Variants in GRID1 observed in about 807,000 individuals in gnomAD.
GRID1 encodes glutamate receptor ionotropic, delta-1.
Under a neutral mutation model 98.0 loss-of-function variants are expected in GRID1, and 28 were observed. The ratio of observed to expected loss-of-function variants is 0.29; its 90% confidence interval spans 0.21 to 0.39. The LOEUF (loss-of-function observed/expected upper bound fraction) is 0.39. Ranked by LOEUF, GRID1 falls within the 10% of genes least tolerant of loss-of-function variation. The pLI is 1.00. For missense variants in GRID1, 1,111 were observed against 1,340.5 expected (o/e 0.83, Z 2.67); for synonymous variants, 553 against 538.5 (o/e 1.03, Z -0.37).
chr10:86,061,205 A>T (rs1843644112), intron 4 of GRID1, among the ~76,000 whole-genome samples: 1 of 152,184 alleles, frequency 6.6e-6, no homozygotes, highest in Admixed American at 6.5e-5. Context: ...ACCTTCCAGC[A>T]GCTCCGAGCA....
intron 6 of GRID1, among the ~76,000 whole-genome samples, chr10:85,863,745 C>G (rs1307457511): frequency 2.0e-5 from 3 of 152,196 alleles, no homozygotes; most frequent in African/African-American, 7.2e-5. Flanking sequence ...GGTGTGCCTG[C>G]CGGGTGGCCA....
At chr10:85,722,621 T>C (rs988866668) in intron 12 of GRID1, among the ~76,000 whole-genome samples, 3 of 152,120 alleles carry the variant, frequency 2.0e-5, no homozygotes, top group Non-Finnish European at 4.4e-5. Flanking sequence ...TATTTTAAGG[T>C]GTTCGAAGAT....
At chr10:85,881,196 G>T (rs1387157494) in intron 5 of GRID1, among the ~76,000 whole-genome samples, 1 of 152,138 alleles carries the variant, frequency 6.6e-6, no homozygotes, top group African/African-American at 2.4e-5. Context: ...TGGCCATACT[G>T]CCCAAGGTAA....
intron 8 of GRID1, among the ~76,000 whole-genome samples, chr10:85,822,977 G>A (rs1300527236): frequency 1.3e-5 from 2 of 152,142 alleles, no homozygotes; most frequent in East Asian, 1.9e-4. Flanking sequence ...TCATAGGTGG[G>A]AACTGAATAA....
chr10:86,105,610 G>GCA (rs1844372090), intron 4 of GRID1, among the ~76,000 whole-genome samples: 2 of 152,098 alleles, frequency 1.3e-5, no homozygotes, highest in South Asian at 4.1e-4. Context: ...CAGTGTCCGG[G>GCA]GCACACGGAG....
At chr10:86,352,917 GA>G (rs1848482059) in intron 2 of GRID1, among the ~76,000 whole-genome samples, 1 of 152,034 alleles carries the variant, frequency 6.6e-6, no homozygotes, top group African/African-American at 2.4e-5. Context: ...CACTGACAAT[GA>G]AAAAACACCT....
At chr10:85,938,377 G>A (rs77183487) in intron 4 of GRID1, among the ~76,000 whole-genome samples, 7,323 of 152,140 alleles carry the variant, frequency 0.048, 246 homozygotes, top group East Asian at 0.15. Flanking sequence ...TCAATACAAC[G>A]TTCTCCAATT....
rs34438015 is a variant in GRID1 at position 85,807,555 on chromosome 10, G to A, written c.1233+46941C>T. Among the ~76,000 whole-genome samples the A allele has an allele frequency of 7.2e-3, 1,087 of 151,968 alleles. 7 individuals carry two copies. Among genetic ancestry groups the A allele is most frequent in the Non-Finnish European group, 0.013 (854 of 67,974 alleles). ...CAGTTAGAAAGAGATAAATATTCCC[G>A]TAGAAAAAATGAGAAATGGAAATGA... is the stretch of plus-strand genomic sequence containing the variant. On this transcript the variant is annotated intron_variant, in intron 8 of 15. Transcript: ENST00000327946.
At chr10:86,336,645 T>A (rs1848225683) in intron 2 of GRID1, among the ~76,000 whole-genome samples, 1 of 152,200 alleles carries the variant, frequency 6.6e-6, no homozygotes, top group South Asian at 2.1e-4. Context: ...GGGCTGGTTT[T>A]CATATCAGGT....
chr10:85,902,616 G>A (rs905035211), intron 5 of GRID1, among the ~76,000 whole-genome samples: 1 of 152,184 alleles, frequency 6.6e-6, no homozygotes, highest in Admixed American at 6.5e-5. Context: ...GGGAGTGAGA[G>A]GGAAGATAAG....
chr10:86,040,244 T>C (rs1459985115), intron 4 of GRID1, among the ~76,000 whole-genome samples: 1 of 152,166 alleles, frequency 6.6e-6, no homozygotes, highest in Admixed American at 6.5e-5. Context: ...AACTACAGGG[T>C]ATATATCCAA....
chr10:86,060,731 C>T (rs542334917), intron 4 of GRID1, among the ~76,000 whole-genome samples: 6 of 152,164 alleles, frequency 3.9e-5, no homozygotes, highest in Non-Finnish European at 5.9e-5. Flanking sequence ...CTCACTCAGT[C>T]CCTCCAGAGG....
At chr10:86,015,245 G>A (rs1361439537) in intron 4 of GRID1, among the ~76,000 whole-genome samples, 1 of 152,190 alleles carries the variant, frequency 6.6e-6, no homozygotes, top group Admixed American at 6.5e-5. Context: ...ATGGGTTGAA[G>A]AAACGCACAC....
chr10:86,361,255 C>T (rs747913989), intron 2 of GRID1, among the ~76,000 whole-genome samples: 2 of 152,220 alleles, frequency 1.3e-5, no homozygotes, highest in Non-Finnish European at 2.9e-5. Context: ...CAGAGGCCTT[C>T]CAGGGCAGGC....
chr10:85,923,481 G>C (rs545449829), intron 4 of GRID1, among the ~76,000 whole-genome samples: 1 of 152,154 alleles, frequency 6.6e-6, no homozygotes, highest in Non-Finnish European at 1.5e-5. Context: ...GGAGGGGAAG[G>C]CTGGTTGCAG....
intron 4 of GRID1, among the ~76,000 whole-genome samples, chr10:86,010,476 G>T (rs1055435876): frequency 1.3e-5 from 2 of 152,120 alleles, no homozygotes; most frequent in Non-Finnish European, 2.9e-5. Context: ...GGCAGGAGTG[G>T]GACTGGGATT....
chr10:85,687,684 G>A (rs978919577), intron 12 of GRID1, among the ~76,000 whole-genome samples: 5 of 152,008 alleles, frequency 3.3e-5, no homozygotes, highest in African/African-American at 1.2e-4. Context: ...AAATATTTAA[G>A]GCAATAAAGT....
At chr10:85,905,089 T>G (rs548709952) in intron 5 of GRID1, among the ~76,000 whole-genome samples, 1 of 151,456 alleles carries the variant, frequency 6.6e-6, no homozygotes, top group African/African-American at 2.4e-5. Context: ...GATAATCAAA[T>G]TGATCAAAAC....
chr10:86,136,090 T>C (rs1844920457), intron 4 of GRID1, among the ~76,000 whole-genome samples: 2 of 152,216 alleles, frequency 1.3e-5, no homozygotes, highest in Non-Finnish European at 2.9e-5. Flanking sequence ...CTTGTGAACA[T>C]CGTTTGTCCT....
Sources: allele counts gnomAD v4.1 joint callset (sites outside exome capture counted in the v4.1 genomes callset), GRCh38; gene constraint gnomAD v4.1.1; transcripts MANE v1.5; gene names NCBI Gene and HGNC (gene_info 2026-07-23, HGNC 2026-07-21).